RNF166: variants seen among roughly 807,000 people sequenced by gnomAD.
The protein encoded by RNF166 is ring finger protein 166, also known as E3 ubiquitin-protein ligase RNF166.
In RNF166, 19 loss-of-function variants were observed where a neutral mutation model predicts 29.4. The observed-to-expected ratio is 0.65, with a 90% CI of 0.45 to 0.95. The LOEUF is 0.95. Among genes scored for constraint, RNF166 ranks in the 40% least tolerant of loss-of-function variants. RNF166 has a pLI of 0.00. For synonymous variants in RNF166, 171 were observed against 134.5 expected (o/e 1.27, Z -1.88); for missense variants, 347 against 322.1 (o/e 1.08, Z -0.59).
rs534044737 is a variant in RNF166 at position 88,702,341 on chromosome 16, C to T, written c.156-923G>A. ...CGAGGAGCTGGAACTGAGGCAGAGC[C>T]CCCCAGTCCCAGGAAGGCTACAGCA... On this transcript the variant is annotated intron_variant, in intron 1 of 5. Transcript: ENST00000312838. Among the ~76,000 whole-genome samples, 6 of 152,254 alleles carry T rather than the reference C, an allele frequency of 3.9e-5. No individual in the cohort carries two copies. The South Asian group carries it at 1.2e-3, about 32-fold the overall frequency.
At chr16:88,703,586 G>C in intron 1 of RNF166, 1 of 985,496 alleles carries the variant, frequency 1.0e-6, no homozygotes, top group Non-Finnish European at 1.2e-6. Flanking sequence ...GTGACTGCCA[G>C]CCTGGTGTTC....
In RNF166 at chr16:88,697,230, C is replaced by A; in HGVS notation, c.*338G>T. On this transcript the variant is annotated 3_prime_UTR_variant, in exon 6 of 6. Transcript: ENST00000312838. ...GCTCGACTGCGGAGCGCGACTCGCG[C>A]GTCGGTCCCTTCTTCCCACGAGGGG... 4.7e-6 allele frequency: 1 copy of A among 212,922 alleles called. No individual in the cohort carries two copies. 13.2% of individuals were successfully genotyped at this position (212,922 alleles called of 1,614,324 possible). A position where few individuals can be genotyped will look rare whatever the true frequency, so the allele number is the denominator to read the frequency against.
In RNF166 at chr16:88,706,267, G is replaced by C; in HGVS notation, c.59C>G (p.Pro20Arg). The C allele has an allele frequency of 2.3e-6, 3 of 1,299,676 alleles. No homozygotes were observed. The highest frequency in any genetic ancestry group is 9.8e-7 in the Non-Finnish European group (1 of 1,022,252). The allele number at this position is 1,299,676 out of a possible 1,614,324, so 80.5% of individuals were successfully genotyped here. Residue 20 changes from proline to arginine, a missense_variant, in exon 1 of 6, where the codon CCG becomes CGG. Transcript: ENST00000312838. ...CTCCAGGCCGCTGTCGCCGCCCGCC[G>C]GCCCGGCCGGCGGCTGCCGCTGCTG... is the stretch of plus-strand genomic sequence containing the variant. ...SAQQRQPPAG[P>R]AGGDSGLEAQ...
chr16:88,701,320 G>C lies in RNF166; in HGVS notation c.254C>G (p.Thr85Ser). The C allele has an allele frequency of 6.2e-7, 1 of 1,613,686 alleles. No individual in the cohort carries two copies. The highest frequency in any genetic ancestry group is 8.5e-7 in the Non-Finnish European group (1 of 1,179,944). Residue 85 changes from threonine to serine, a missense_variant, in exon 2 of 6, where the codon ACC becomes AGC. Thr to Ser is a moderately conservative substitution (Grantham distance 58, BLOSUM62 1). Transcript: ENST00000312838. ...GGATGAGAGCTGCTTCTCCACGTGGGTGGCCTTGTCCACCTTCTTGGGGTC... is the reference window on the plus strand; with the variant it reads ...GGATGAGAGCTGCTTCTCCACGTGGCTGGCCTTGTCCACCTTCTTGGGGTC... ...PFDPKKVDKA[T>S]HVEKQLSSYK...
At chr16:88,704,854 G>T (rs1025886115) in intron 1 of RNF166, among the ~76,000 whole-genome samples, 1 of 152,192 alleles carries the variant, frequency 6.6e-6, no homozygotes. Context: ...GCCGGGCGTG[G>T]TGGCGGGTGC....
At position 88,696,998 on chromosome 16, in the gene RNF166, T is replaced by C. The variant is rs533427407; in HGVS notation, c.*570A>G. On this transcript the variant is annotated 3_prime_UTR_variant, in exon 6 of 6. Coordinates refer to ENST00000312838, the MANE Select transcript of RNF166 (RefSeq NM_178841.4). ...TTGTAAATGTTCCATAAAAATACTA[T>C]TATTCCTAGTCAAACACAGATATTG... The C allele has an allele frequency of 5.0e-6, 1 of 201,434 alleles. No individual in the cohort carries two copies. Among genetic ancestry groups the C allele is most frequent in the South Asian group, 6.9e-5 (1 of 14,506 alleles). The allele number at this position is 201,434 out of a possible 1,614,324, so 12.5% of individuals were successfully genotyped here.
chr16:88,701,879 C>T (rs929898748), intron 1 of RNF166, among the ~76,000 whole-genome samples: 2 of 152,238 alleles, frequency 1.3e-5, no homozygotes, highest in Non-Finnish European at 2.9e-5. Flanking sequence ...ACGGCCAGGC[C>T]CCAGGGGCTC....
chr16:88,698,191 A>T, intron 5 of RNF166: 1 of 611,190 alleles, frequency 1.6e-6, no homozygotes, highest in Non-Finnish European at 2.9e-6. Context: ...CGCGCTCTCT[A>T]GAAAGCTTCC....
rs777056424 is a variant in RNF166, at chr16:88,697,405, C to A, written c.*163G>T. The A allele has an allele frequency of 1.4e-4, 81 of 559,588 alleles. No homozygotes were observed. The African/African-American group carries it at 1.5e-3, about 10-fold the overall frequency. 34.7% of individuals were successfully genotyped at this position (559,588 alleles called of 1,614,324 possible). A position where few individuals can be genotyped will look rare whatever the true frequency, so the allele number is the denominator to read the frequency against. ...GCTCTGGCGGCCTCGGCGGCTGGCC[C>A]GTATTCAGGCCCGGAGGCTCGGCCC... On this transcript the variant is annotated 3_prime_UTR_variant, in exon 6 of 6. Coordinates refer to ENST00000312838, the MANE Select transcript of RNF166 (RefSeq NM_178841.4).
At chr16:88,705,875 G>A (rs982969078) in intron 1 of RNF166, among the ~76,000 whole-genome samples, 5 of 152,186 alleles carry the variant, frequency 3.3e-5, no homozygotes. Flanking sequence ...AGCGCCCGCC[G>A]CAGCCGCCGG....
rs373446614 is a variant in RNF166 at position 88,699,628 on chromosome 16, A to G, written c.417T>C (p.Pro139=). Residue 139 remains proline, a synonymous_variant, in exon 3 of 6, where the codon CCT becomes CCC. Transcript: ENST00000312838. Reference sequence around the variant, plus strand: ...CCCGGCAGCGTGCCTACCTGGGGATAGGCTGTGATGTGGGCACCACGGGGA... The same window carrying G: ...CCCGGCAGCGTGCCTACCTGGGGATGGGCTGTGATGTGGGCACCACGGGGA... The part of the protein sequence containing the change: ...KFVPVVPTSQ[P]IPSNIPNRST... 41 of 1,611,854 alleles carry G rather than the reference A, an allele frequency of 2.5e-5. No homozygotes were observed. In the African/African-American group the frequency reaches 5.1e-4, roughly 20 times the overall value.
chr16:88,697,916 C>G (rs549086748), intron 5 of RNF166: 1 of 482,940 alleles, frequency 2.1e-6, no homozygotes, highest in South Asian at 2.6e-5. Flanking sequence ...GTGAGCAGGC[C>G]GGCCAGGGCT....
intron 1 of RNF166, chr16:88,704,647 AGAT>A: frequency 1.3e-6 from 1 of 761,426 alleles, no homozygotes; most frequent in Non-Finnish European, 1.6e-6. Flanking sequence ...GCTCAGTAAC[AGAT>A]GAGAAGGTGC....
Position 88,699,579 on chromosome 16 carries a change from G to A in RNF166, c.425+41C>T, listed in dbSNP as rs893861750. On this transcript the variant is annotated intron_variant, in intron 3 of 5. Transcript: ENST00000312838. ...CGCTTGCTCCCAGAACGAGGAAACC[G>A]CCGAGGACAGTTCCTCTCCCTTGCC... is the stretch of plus-strand genomic sequence containing the variant. 18 of 1,507,030 alleles carry A rather than the reference G, an allele frequency of 1.2e-5. No individual in the cohort carries two copies. In the East Asian group the frequency reaches 1.8e-4, roughly 15 times the overall value. 93.4% of individuals were successfully genotyped at this position (1,507,030 alleles called of 1,614,324 possible). A position where few individuals can be genotyped will look rare whatever the true frequency, so the allele number is the denominator to read the frequency against.
At chr16:88,698,724 C>A in intron 4 of RNF166, 115 bp from the exon 5 acceptor site, 1 of 804,548 alleles carries the variant, frequency 1.2e-6, no homozygotes. Context: ...TGGGAAGGCA[C>A]CCCAGACCTG....
At chr16:88,700,549 G>A in intron 2 of RNF166, 1 of 958,962 alleles carries the variant, frequency 1.0e-6, no homozygotes, top group Non-Finnish European at 1.2e-6. Flanking sequence ...CCACGTACTA[G>A]TGTGAGCGCT....
chr16:88,704,358 C>T (rs1910554988), intron 1 of RNF166: 1 of 985,428 alleles, frequency 1.0e-6, no homozygotes. Flanking sequence ...AAAGCTCTTG[C>T]AGGACCCGCG....
chr16:88,705,574 C>T (rs1415541706), intron 1 of RNF166, among the ~76,000 whole-genome samples: 1 of 152,224 alleles, frequency 6.6e-6, no homozygotes, highest in Admixed American at 6.5e-5. Flanking sequence ...GAAACCCCAG[C>T]AAGGTGGTCA....
intron 1 of RNF166, among the ~76,000 whole-genome samples, chr16:88,705,006 C>T (rs887250966): frequency 6.6e-6 from 1 of 152,180 alleles, no homozygotes; most frequent in Non-Finnish European, 1.5e-5. Flanking sequence ...AAAATATTCC[C>T]GTTCAGAGGC....
Sources: gnomAD v4.1 joint callset for allele counts (sites outside exome capture counted in the v4.1 genomes callset) on GRCh38, gnomAD v4.1.1 for gene constraint, MANE v1.5 for transcripts, NCBI Gene and HGNC (gene_info 2026-07-23, HGNC 2026-07-21) for gene names.